The following PARD3B variants were observed in gnomAD, a reference collection of about 807,000 sequenced individuals.
PARD3B encodes the protein par-3 family cell polarity regulator beta.
In PARD3B, 103 loss-of-function variants were observed where a neutral mutation model predicts 130.2. The ratio of observed to expected loss-of-function variants is 0.79; its 90% CI spans 0.67 to 0.93. PARD3B has a LOEUF of 0.93. Among genes scored for constraint, PARD3B ranks in the 40% least tolerant of loss-of-function variants. PARD3B has a pLI of 0.00. For missense variants in PARD3B, 1,609 were observed against 1,499.2 expected, an observed-to-expected ratio of 1.07 and a Z score of -1.21; for synonymous variants, 583 against 553.2, an observed-to-expected ratio of 1.05 and a Z score of -0.76.
chr2:204,979,969 A>G (rs998134858), intron 3 of PARD3B, among the ~76,000 whole-genome samples: 9 of 152,200 alleles, frequency 5.9e-5, no homozygotes, highest in African/African-American at 1.9e-4. Context: ...AGTGATAGCC[A>G]TGGGAAAAAT....
chr2:205,172,410 AG>A, intron 12 of PARD3B, 29 bp downstream of exon 12: 1 of 1,599,070 alleles, frequency 6.3e-7, no homozygotes, highest in East Asian at 2.2e-5. Context: ...CTCCTCAGCC[AG>A]TTGCCCAAAT....
intron 2 of PARD3B, among the ~76,000 whole-genome samples, chr2:204,919,249 A>G (rs575900339): frequency 6.6e-6 from 1 of 152,210 alleles, no homozygotes; most frequent in African/African-American, 2.4e-5. Flanking sequence ...TTATTTAAAG[A>G]TCTTTATAAA....
chr2:204,872,585 A>C (rs2045671894), intron 2 of PARD3B, among the ~76,000 whole-genome samples: 1 of 152,168 alleles, frequency 6.6e-6, no homozygotes, highest in Non-Finnish European at 1.5e-5. Flanking sequence ...AGATGTGCCC[A>C]GACTGCTGTC....
chr2:204,939,623 G>A (rs977345149), intron 2 of PARD3B, among the ~76,000 whole-genome samples: 6 of 152,088 alleles, frequency 3.9e-5, no homozygotes, highest in East Asian at 1.9e-4. Flanking sequence ...TTTTTAACAC[G>A]ATTTCTTTTT....
intron 2 of PARD3B, among the ~76,000 whole-genome samples, chr2:204,714,467 A>G (rs144184306): frequency 5.3e-5 from 8 of 152,300 alleles, no homozygotes; most frequent in African/African-American, 1.9e-4. Flanking sequence ...ATATGAGCCA[A>G]TGAATACTTT....
chr2:204,636,822 C>A (rs1049998453), intron 1 of PARD3B, among the ~76,000 whole-genome samples: 1 of 152,082 alleles, frequency 6.6e-6, no homozygotes, highest in African/African-American at 2.4e-5. Context: ...TGCATTCTAC[C>A]CCTTCCAGCA....
chr2:205,427,211 A>G (rs1176506897), intron 19 of PARD3B, among the ~76,000 whole-genome samples: 1 of 152,250 alleles, frequency 6.6e-6, no homozygotes, highest in African/African-American at 2.4e-5. Flanking sequence ...GTCATAATCT[A>G]GAAAAAAGTA....
chr2:205,058,895 C>G (rs894158141), intron 4 of PARD3B, among the ~76,000 whole-genome samples: 1 of 151,538 alleles, frequency 6.6e-6, no homozygotes. Context: ...TACATTGCCC[C>G]TTCACTCTAT....
Position 205,125,223 on chromosome 2 carries a change from G to A in PARD3B, c.1306-386G>A, listed in dbSNP as rs1033216296. Among the ~76,000 whole-genome samples the A allele has an allele frequency of 2.0e-5, 3 of 152,132 alleles. No homozygotes were observed. Among genetic ancestry groups the A allele is most frequent in the Admixed American group, 1.3e-4 (2 of 15,280 alleles). On this transcript the variant is annotated intron_variant, in intron 9 of 22. Coordinates refer to ENST00000406610, the MANE Select transcript of PARD3B (RefSeq NM_001302769.2). This position sits in a 1 kb window ranked among gnomAD's most constrained non-coding sequence, Gnocchi z 4.0. ...CCTGCAGGATTCTATTGCTAGGTTC[G>A]TATTTGCAGAGAAATTTGCCTTGTG... is the stretch of plus-strand genomic sequence containing the variant.
chr2:204,587,172 A>G (rs1022821739), intron 1 of PARD3B, among the ~76,000 whole-genome samples: 2 of 152,204 alleles, frequency 1.3e-5, no homozygotes, highest in Non-Finnish European at 2.9e-5. Context: ...AGGATATGCC[A>G]GTGAGACAGA....
intron 21 of PARD3B, among the ~76,000 whole-genome samples, chr2:205,512,041 CAGAA>C (rs1268834162): frequency 6.6e-6 from 1 of 152,140 alleles, no homozygotes; most frequent in Non-Finnish European, 1.5e-5. Context: ...GAAAGGAAGA[CAGAA>C]AGCACACTTG....
intron 19 of PARD3B, among the ~76,000 whole-genome samples, chr2:205,406,784 C>T (rs1347605509): frequency 2.0e-5 from 3 of 151,088 alleles, no homozygotes; most frequent in East Asian, 3.9e-4. Flanking sequence ...GATTCTTCTG[C>T]CTCACCCTCC....
At chr2:204,614,265 C>T (rs1193321400) in intron 1 of PARD3B, among the ~76,000 whole-genome samples, 1 of 152,034 alleles carries the variant, frequency 6.6e-6, no homozygotes, top group Non-Finnish European at 1.5e-5. Flanking sequence ...CCCAATAAAT[C>T]CAAAATATTT....
At chr2:205,179,268 A>G (rs986825131) in intron 13 of PARD3B, among the ~76,000 whole-genome samples, 1 of 152,238 alleles carries the variant, frequency 6.6e-6, no homozygotes, top group African/African-American at 2.4e-5. Context: ...ATTAAAATTT[A>G]TAAAGTAACA....
intron 22 of PARD3B, among the ~76,000 whole-genome samples, chr2:205,578,614 A>T (rs2053850973): frequency 6.6e-6 from 1 of 152,264 alleles, no homozygotes; most frequent in South Asian, 2.1e-4. Context: ...AAATAGAATC[A>T]TGAGAAAAAA....
At chr2:205,224,214 C>T (rs1330014024) in intron 15 of PARD3B, among the ~76,000 whole-genome samples, 2 of 147,054 alleles carry the variant, frequency 1.4e-5, no homozygotes, top group African/African-American at 5.0e-5. Context: ...ACTAAAAATA[C>T]AAAAAAATTA....
intron 4 of PARD3B, among the ~76,000 whole-genome samples, chr2:205,097,490 AT>A (rs1400398735): frequency 1.3e-5 from 2 of 152,074 alleles, no homozygotes; most frequent in Non-Finnish European, 2.9e-5. Flanking sequence ...TTAGTTAATA[AT>A]TTTTAGGATT....
intron 3 of PARD3B, among the ~76,000 whole-genome samples, chr2:205,020,356 C>G (rs1354503804): frequency 6.6e-6 from 1 of 152,014 alleles, no homozygotes; most frequent in Non-Finnish European, 1.5e-5. Context: ...TTTCAAGTAT[C>G]CCAGTGGGTT....
chr2:205,185,641 AT>A, intron 13 of PARD3B, 122 bp from the exon 14 acceptor site: 1 of 703,234 alleles, frequency 1.4e-6, no homozygotes, highest in Non-Finnish European at 2.5e-6. Context: ...ATGAGAACTT[AT>A]TTATTTCAGG....
Sources: gnomAD v4.1 joint callset for allele counts (sites outside exome capture counted in the v4.1 genomes callset) on GRCh38, gnomAD v4.1.1 for gene constraint, Gnocchi (gnomAD v3.1) non-coding constraint, MANE v1.5 for transcripts, NCBI Gene and HGNC (gene_info 2026-07-23, HGNC 2026-07-21) for gene names.